Variants in PTGES observed in about 807,000 individuals in gnomAD.
The protein encoded by PTGES is MGST1-like 1.
In PTGES, 3 loss-of-function variants were observed where a neutral mutation model predicts 11.8. That is an observed-to-expected ratio of 0.25 (90% CI 0.12 to 0.66). PTGES has a LOEUF of 0.66. PTGES is among the 30% of genes least tolerant of loss of function. The pLI is 0.82. For missense variants in PTGES, 180 were observed against 213.0 expected, an observed-to-expected ratio of 0.85 and a Z score of 0.96; for synonymous variants, 94 against 90.4, an observed-to-expected ratio of 1.04 and a Z score of -0.22.
intron 2 of PTGES, among the ~76,000 whole-genome samples, chr9:129,743,146 AC>A (rs1833015502): frequency 6.6e-6 from 1 of 152,174 alleles, no homozygotes. Flanking sequence ...TTCAGCGGTC[AC>A]CAGCGTGGGA....
At chr9:129,742,673 A>G (rs1226598506) in intron 2 of PTGES, among the ~76,000 whole-genome samples, 1 of 152,094 alleles carries the variant, frequency 6.6e-6, no homozygotes, top group Non-Finnish European at 1.5e-5. Context: ...GGAGATCGAG[A>G]CCATCCTGGC....
chr9:129,744,572 A>AC (rs1833032728), intron 2 of PTGES, among the ~76,000 whole-genome samples: 1 of 107,696 alleles, frequency 9.3e-6, no homozygotes, highest in Non-Finnish European at 1.9e-5. Flanking sequence ...ACCCTGTCAC[A>AC]AAAAAAAAAA....
intron 2 of PTGES, among the ~76,000 whole-genome samples, chr9:129,744,949 G>A (rs1833037161): frequency 6.6e-6 from 1 of 152,112 alleles, no homozygotes; most frequent in African/African-American, 2.4e-5. Context: ...GAAACCTCCA[G>A]TTCTGCTGTG....
At chr9:129,743,755 G>C (rs1300734265) in intron 2 of PTGES, among the ~76,000 whole-genome samples, 1 of 152,238 alleles carries the variant, frequency 6.6e-6, no homozygotes, top group African/African-American at 2.4e-5. Context: ...TAGAGGGACA[G>C]CCTCAGGAGC....
intron 1 of PTGES, among the ~76,000 whole-genome samples, chr9:129,749,187 T>C (rs1833077868): frequency 6.6e-6 from 1 of 151,434 alleles, no homozygotes; most frequent in African/African-American, 2.4e-5. Flanking sequence ...AGCCCAGGAG[T>C]TCAAAACCAG....
chr9:129,750,179 A>G (rs1965820), intron 1 of PTGES, among the ~76,000 whole-genome samples: 3,518 of 152,280 alleles, frequency 0.023, 138 homozygotes, highest in African/African-American at 0.081. Context: ...CCCTGCTGGC[A>G]TCCAGACAGT....
chr9:129,741,990 T>C (rs148378690), intron 2 of PTGES, among the ~76,000 whole-genome samples: 4 of 152,014 alleles, frequency 2.6e-5, no homozygotes, highest in East Asian at 1.9e-4. Context: ...TTACCAGGAC[T>C]GATGAGGAAA....
intron 2 of PTGES, among the ~76,000 whole-genome samples, chr9:129,741,556 G>A (rs1588185628): frequency 6.6e-6 from 1 of 152,194 alleles, no homozygotes; most frequent in African/African-American, 2.4e-5. Context: ...GAACACTGTG[G>A]CCTGCCTGTG....
chr9:129,747,682 G>A (rs941739049), intron 2 of PTGES, among the ~76,000 whole-genome samples: 1 of 152,026 alleles, frequency 6.6e-6, no homozygotes, highest in East Asian at 1.9e-4. Flanking sequence ...TGCATCCTGC[G>A]GTTTTACTCA....
Position 129,745,359 on chromosome 9 carries a change from A to G in PTGES, c.209+3296T>C, listed in dbSNP as rs1833039922. 6.6e-6 allele frequency among the ~76,000 whole-genome samples: 1 copy of G among 152,228 alleles called. No homozygotes were observed. On this transcript the variant is annotated intron_variant, in intron 2 of 2. Transcript: ENST00000340607. The surrounding 1 kb of genome is among the most constrained non-coding windows in gnomAD (Gnocchi z 4.2). ...AACCTGCAAGGCAGATTCATGCTCC[A>G]AGAACCAAGACTGAAGTGCTTTCCT...
At chr9:129,752,862 C>G (rs761686812) in intron 1 of PTGES, 25 bp downstream of exon 1, 6 of 1,613,840 alleles carry the variant, frequency 3.7e-6, no homozygotes, top group Admixed American at 1.7e-5. Context: ...TGACCCAGGC[C>G]GGGGACCCCC....
At chr9:129,748,841 G>A (rs1833072837) in intron 1 of PTGES, 104 bp from the exon 2 acceptor site, 7 of 913,270 alleles carry the variant, frequency 7.7e-6, no homozygotes, top group South Asian at 6.6e-5. Context: ...GGACAGAGGT[G>A]CAGTTGCACA....
chr9:129,747,775 C>T (rs1206111404), intron 2 of PTGES, among the ~76,000 whole-genome samples: 2 of 151,776 alleles, frequency 1.3e-5, no homozygotes, highest in African/African-American at 4.8e-5. Flanking sequence ...TTTGGGAGGC[C>T]GAGGCGGACA....
chr9:129,743,532 T>C (rs955058847), intron 2 of PTGES, among the ~76,000 whole-genome samples: 13 of 152,210 alleles, frequency 8.5e-5, no homozygotes, highest in African/African-American at 2.9e-4. Flanking sequence ...AGCTGCATTT[T>C]CCTGCATAGG....
rs200741089 is a variant in PTGES at position 129,752,972 on chromosome 9, G to A, written c.41C>T (p.Pro14Leu). Residue 14 changes from proline (P) to leucine (L), a missense_variant, in exon 1 of 3, where the codon CCG becomes CTG. Physicochemically the swap from Pro to Leu is moderately conservative, Grantham distance 98. Coordinates refer to ENST00000340607, the MANE Select transcript of PTGES (RefSeq NM_004878.5). The stretch of plus-strand genomic sequence containing the variant: ...CAGCGTGCTGCAGAGCAGGAAGGCC[G>A]GGAGGGCCGGGCTGCTCATCACCAG... ...HSLVMSSPAL[P>L]AFLLCSTLLV... is the part of the protein sequence containing the mutation. The A allele has an allele frequency of 2.5e-6, 4 of 1,610,616 alleles. No homozygotes were observed. The highest frequency in any genetic ancestry group is 2.2e-5 in the East Asian group (1 of 44,888).
chr9:129,741,183 G>T (rs914316953), intron 2 of PTGES, among the ~76,000 whole-genome samples: 3 of 152,198 alleles, frequency 2.0e-5, no homozygotes, highest in Admixed American at 6.5e-5. Context: ...TGAGAAGCTG[G>T]CCCTGCAGGG....
At chr9:129,750,063 C>T (rs542977025) in intron 1 of PTGES, among the ~76,000 whole-genome samples, 31 of 151,974 alleles carry the variant, frequency 2.0e-4, no homozygotes, top group African/African-American at 7.3e-4. Context: ...AGGACAATGC[C>T]CAGCACAAGG....
intron 2 of PTGES, among the ~76,000 whole-genome samples, chr9:129,744,732 C>G (rs1158627504): frequency 1.3e-5 from 2 of 151,800 alleles, no homozygotes; most frequent in African/African-American, 4.8e-5. Flanking sequence ...CAAACATTAG[C>G]CAGGAGTGGT....
At chr9:129,747,681 C>T (rs908860159) in intron 2 of PTGES, among the ~76,000 whole-genome samples, 4 of 151,960 alleles carry the variant, frequency 2.6e-5, no homozygotes, top group African/African-American at 7.3e-5. Context: ...TTGCATCCTG[C>T]GGTTTTACTC....
Sources: gnomAD v4.1 joint callset for allele counts (sites outside exome capture counted in the v4.1 genomes callset) on GRCh38, gnomAD v4.1.1 for gene constraint, Gnocchi (gnomAD v3.1) non-coding constraint, MANE v1.5 for transcripts, NCBI Gene and HGNC (gene_info 2026-07-23, HGNC 2026-07-21) for gene names.